Variants in TUSC3 observed in about 807,000 individuals in gnomAD.
The protein encoded by TUSC3 is tumor suppressor candidate 3, also known as dolichyl-diphosphooligosaccharide--protein glycosyltransferase subunit TUSC3.
Under a neutral mutation model 44.8 loss-of-function variants are expected in TUSC3, and 45 were observed. The observed-to-expected ratio is 1.00, with a 90% CI of 0.79 to 1.29. The LOEUF is 1.29. TUSC3 is among the 50% of genes most tolerant of loss of function. The pLI is 0.00. For missense variants in TUSC3, 519 were observed against 437.9 expected, an observed-to-expected ratio of 1.19 and a Z score of -1.65; for synonymous variants, 212 against 152.9, an observed-to-expected ratio of 1.39 and a Z score of -2.85.
At chr8:15,479,218 T>C (rs2129124098) in intron 1 of TUSC3, among the ~76,000 whole-genome samples, 1 of 152,324 alleles carries the variant, frequency 6.6e-6, no homozygotes, top group African/African-American at 2.4e-5. Context: ...AAAAATTTTC[T>C]CCCATTCTGT....
chr8:15,833,590 G>C, the TUSC3 span, among the ~76,000 whole-genome samples: 2 of 152,138 alleles, frequency 1.3e-5, no homozygotes, highest in Non-Finnish European at 2.9e-5. Context: ...TGCAGGAACA[G>C]AAAACCAAAT....
chr8:15,663,970 A>G (rs1368065772), intron 5 of TUSC3, among the ~76,000 whole-genome samples: 1 of 151,884 alleles, frequency 6.6e-6, no homozygotes, highest in African/African-American at 2.4e-5. Context: ...ATGTAGTCTC[A>G]TCTCTGAATT....
chr8:15,793,405 A>G, the TUSC3 span, among the ~76,000 whole-genome samples: 4,369 of 151,792 alleles, frequency 0.029, 117 homozygotes, highest in South Asian at 0.11. Flanking sequence ...GCACACTTCC[A>G]CCTCAGGGCC....
At chr8:15,777,267 C>T in the TUSC3 span, among the ~76,000 whole-genome samples, 5 of 152,220 alleles carry the variant, frequency 3.3e-5, no homozygotes, top group East Asian at 7.7e-4. Context: ...AACTTCCCCC[C>T]CACCTTTTCG....
intron 1 of TUSC3, among the ~76,000 whole-genome samples, chr8:15,420,778 C>T (rs553390448): frequency 2.6e-5 from 4 of 152,238 alleles, no homozygotes; most frequent in African/African-American, 9.6e-5. Flanking sequence ...TTCAGTGATG[C>T]ACTTTCTTCA....
At chr8:15,454,396 A>G (rs1800230527) in intron 1 of TUSC3, among the ~76,000 whole-genome samples, 1 of 152,208 alleles carries the variant, frequency 6.6e-6, no homozygotes, top group African/African-American at 2.4e-5. Context: ...GCAGAAGTGT[A>G]TAAATTTGCT....
upstream of TUSC3, among the ~76,000 whole-genome samples, chr8:15,538,753 C>T (rs915843293): frequency 3.3e-5 from 5 of 151,998 alleles, no homozygotes; most frequent in African/African-American, 1.2e-4. Context: ...AACTTTGTTT[C>T]CTACAGAAAT....
intron 6 of TUSC3, among the ~76,000 whole-genome samples, chr8:15,679,254 C>T (rs2129185014): frequency 6.6e-6 from 1 of 152,222 alleles, no homozygotes; most frequent in Middle Eastern, 3.4e-3. Context: ...TTCTCCACAG[C>T]CTTGGAAGCA....
chr8:15,508,254 A>G (rs1042958417), intron 2 of TUSC3, among the ~76,000 whole-genome samples: 1 of 152,124 alleles, frequency 6.6e-6, no homozygotes, highest in Non-Finnish European at 1.5e-5. Context: ...CAATGACAAC[A>G]AAAACAAAAA....
intron 1 of TUSC3, among the ~76,000 whole-genome samples, chr8:15,546,793 C>A (rs1801883153): frequency 6.6e-6 from 1 of 151,616 alleles, no homozygotes; most frequent in African/African-American, 2.4e-5. Context: ...TCTCGGCCTC[C>A]CCAAAGTGCT....
At chr8:15,699,286 G>C (rs1350755001) in intron 6 of TUSC3, among the ~76,000 whole-genome samples, 1 of 152,008 alleles carries the variant, frequency 6.6e-6, no homozygotes. Context: ...ATTAATAAAG[G>C]CATTCTCATT....
intron 9 of TUSC3, among the ~76,000 whole-genome samples, chr8:15,756,193 G>C (rs1038213848): frequency 6.6e-6 from 1 of 152,124 alleles, no homozygotes; most frequent in African/African-American, 2.4e-5. Flanking sequence ...TTGAATTTTG[G>C]TTCCTCTTAA....
chr8:15,421,267 C>A (rs977166260), intron 1 of TUSC3, among the ~76,000 whole-genome samples: 2 of 152,188 alleles, frequency 1.3e-5, no homozygotes, highest in Non-Finnish European at 1.5e-5. Context: ...AAACTCCTCA[C>A]CATGGCCTAC....
intron 1 of TUSC3, among the ~76,000 whole-genome samples, chr8:15,460,208 T>A (rs1010585407): frequency 6.6e-6 from 1 of 152,160 alleles, no homozygotes; most frequent in Admixed American, 6.6e-5. Context: ...TACTGCTTTT[T>A]GATTTTTTTG....
the TUSC3 span, among the ~76,000 whole-genome samples, chr8:15,848,786 A>T: frequency 6.6e-6 from 1 of 152,314 alleles, no homozygotes; most frequent in Non-Finnish European, 1.5e-5. Context: ...CTGTAATTCT[A>T]TGAAAATAAC....
At chr8:15,709,041 T>A (rs1809729996) in intron 6 of TUSC3, among the ~76,000 whole-genome samples, 1 of 151,912 alleles carries the variant, frequency 6.6e-6, no homozygotes, top group African/African-American at 2.4e-5. Flanking sequence ...CTCCAACTAA[T>A]AGTTGATCAT....
At chr8:15,750,683 G>C (rs1279257901) in intron 9 of TUSC3, among the ~76,000 whole-genome samples, 1 of 152,002 alleles carries the variant, frequency 6.6e-6, no homozygotes, top group Non-Finnish European at 1.5e-5. Context: ...GATATAAATA[G>C]TAAGCACATC....
chr8:15,603,703 T>G (rs1438649630), intron 1 of TUSC3, among the ~76,000 whole-genome samples: 1 of 151,610 alleles, frequency 6.6e-6, no homozygotes, highest in Non-Finnish European at 1.5e-5. Context: ...GAACTGTGTC[T>G]TGAGATATCA....
intron 10 of TUSC3, among the ~76,000 whole-genome samples, chr8:15,759,624 A>C (rs1029482140): frequency 6.6e-6 from 1 of 152,198 alleles, no homozygotes; most frequent in Non-Finnish European, 1.5e-5. Context: ...AGTTCTCTTC[A>C]TGTGACCTTT....
Sources: allele counts gnomAD v4.1 joint callset (sites outside exome capture counted in the v4.1 genomes callset), GRCh38; gene constraint gnomAD v4.1.1; transcripts MANE v1.5; gene names NCBI Gene and HGNC (gene_info 2026-07-23, HGNC 2026-07-21).